Variants in CALN1 observed in about 807,000 individuals in gnomAD.
The protein encoded by CALN1 is calneuron 1.
Under a neutral mutation model 30.6 loss-of-function variants are expected in CALN1, and 17 were observed. That is an observed-to-expected ratio of 0.56 (90% CI 0.38 to 0.83). The LOEUF (loss-of-function observed/expected upper bound fraction) is 0.83, where lower values mean the gene tolerates loss of function less well. Ranked by LOEUF, CALN1 falls within the 40% of genes least tolerant of loss-of-function variation. CALN1 has a pLI of 0.00. For missense variants in CALN1, 291 were observed against 354.9 expected, an observed-to-expected ratio of 0.82 and a Z score of 1.45; for synonymous variants, 156 against 131.4, an observed-to-expected ratio of 1.19 and a Z score of -1.28.
chr7:72,167,810 AAGTAATTTGGCTGG>A (rs1563115560), intron 3 of CALN1, among the ~76,000 whole-genome samples: 1 of 152,218 alleles, frequency 6.6e-6, no homozygotes, highest in Non-Finnish European at 1.5e-5. Context: ...AGTTTGGCTG[AAGTAATTTGGCTGG>A]ATTTGTAACA....
At chr7:72,374,835 G>C (rs1804457535) in intron 2 of CALN1, among the ~76,000 whole-genome samples, 1 of 152,018 alleles carries the variant, frequency 6.6e-6, no homozygotes, top group South Asian at 2.1e-4. Context: ...CACATATTTT[G>C]CTCAAATGAA....
intron 5 of CALN1, among the ~76,000 whole-genome samples, chr7:71,891,577 A>C (rs2116884515): frequency 6.6e-6 from 1 of 152,352 alleles, no homozygotes; most frequent in Admixed American, 6.5e-5. Context: ...GAGGATAATG[A>C]CAGTGCCTAT....
At chr7:72,335,865 G>T (rs1562899647) in intron 2 of CALN1, among the ~76,000 whole-genome samples, 2 of 152,168 alleles carry the variant, frequency 1.3e-5, no homozygotes, top group African/African-American at 4.8e-5. Context: ...TCCCCCGCTC[G>T]CCCTCGCCCC....
intron 5 of CALN1, among the ~76,000 whole-genome samples, chr7:72,012,453 A>C (rs1800134384): frequency 6.6e-6 from 1 of 152,222 alleles, no homozygotes; most frequent in Non-Finnish European, 1.5e-5. Flanking sequence ...CGGAGGGTGC[A>C]GTGAGCCGAG....
intron 3 of CALN1, among the ~76,000 whole-genome samples, chr7:72,123,721 C>T (rs994374173): frequency 6.6e-6 from 1 of 152,154 alleles, no homozygotes; most frequent in Admixed American, 6.5e-5. Context: ...GTCCATTTGG[C>T]CTTCCTGATA....
At chr7:72,152,113 C>T (rs1464170777) in intron 3 of CALN1, among the ~76,000 whole-genome samples, 1 of 151,830 alleles carries the variant, frequency 6.6e-6, no homozygotes, top group Non-Finnish European at 1.5e-5. Flanking sequence ...ACCATGTTGG[C>T]CAGGCTGGTC....
At chr7:71,941,019 C>G (rs1357991982) in intron 5 of CALN1, among the ~76,000 whole-genome samples, 2 of 152,088 alleles carry the variant, frequency 1.3e-5, no homozygotes, top group African/African-American at 2.4e-5. Flanking sequence ...TTAATAAAAG[C>G]CCCCCAAAAT....
chr7:72,223,331 G>A lies in CALN1; in HGVS notation c.244+55355C>T, dbSNP rs1044543181. On this transcript the variant is annotated intron_variant, in intron 3 of 6. Coordinates refer to ENST00000395275, the MANE Select transcript of CALN1 (RefSeq NM_031468.4). ...ATGACTTCCAAGTCACTGGAGGAGG[G>A]AAAATACAAAGGAAACATCATTTCT... Among the ~76,000 whole-genome samples the A allele has an allele frequency of 3.3e-5, 5 of 152,108 alleles. 1 individual carries two copies. Among genetic ancestry groups the A allele is most frequent in the African/African-American group, 4.8e-5 (2 of 41,434 alleles).
At chr7:72,347,247 TC>T (rs919229881) in intron 2 of CALN1, among the ~76,000 whole-genome samples, 2 of 151,370 alleles carry the variant, frequency 1.3e-5, no homozygotes, top group African/African-American at 4.9e-5. Flanking sequence ...TTTTTTTTTT[TC>T]CTTTTTTCTT....
intron 5 of CALN1, among the ~76,000 whole-genome samples, chr7:71,846,864 ATG>A (rs1042451398): frequency 6.8e-6 from 1 of 146,750 alleles, no homozygotes; most frequent in African/African-American, 2.5e-5. Context: ...GTATATATGT[ATG>A]TATATATAAT....
At chr7:71,930,888 A>C (rs2129520381) in intron 5 of CALN1, among the ~76,000 whole-genome samples, 1 of 152,310 alleles carries the variant, frequency 6.6e-6, no homozygotes, top group South Asian at 2.1e-4. Context: ...CCCATGCCAA[A>C]GTCTTCTCTG....
intron 4 of CALN1, among the ~76,000 whole-genome samples, chr7:72,052,190 T>A (rs1563012815): frequency 6.6e-6 from 1 of 152,156 alleles, no homozygotes. Flanking sequence ...GACAAACATT[T>A]AAAAAATCAA....
intron 6 of CALN1, among the ~76,000 whole-genome samples, chr7:71,799,293 C>T (rs899325668): frequency 6.6e-6 from 1 of 152,054 alleles, no homozygotes; most frequent in Non-Finnish European, 1.5e-5. Flanking sequence ...CAATATTTAC[C>T]CAAGTGCCTC....
At chr7:72,093,479 C>T (rs1043086885) in intron 4 of CALN1, among the ~76,000 whole-genome samples, 1 of 152,140 alleles carries the variant, frequency 6.6e-6, no homozygotes, top group Non-Finnish European at 1.5e-5. Flanking sequence ...TCCTTGCCCA[C>T]TGAAAAGGGG....
chr7:71,889,604 G>C (rs966425791), intron 5 of CALN1, among the ~76,000 whole-genome samples: 4 of 152,046 alleles, frequency 2.6e-5, no homozygotes, highest in African/African-American at 4.8e-5. Context: ...CTATGAATAA[G>C]GGGGGACACG....
At chr7:72,503,737 A>T in the CALN1 span, among the ~76,000 whole-genome samples, 1 of 151,842 alleles carries the variant, frequency 6.6e-6, no homozygotes. Context: ...CCTCTCCAGC[A>T]CCTGGACTCA....
At chr7:72,160,832 C>T (rs985241763) in intron 3 of CALN1, among the ~76,000 whole-genome samples, 1 of 152,220 alleles carries the variant, frequency 6.6e-6, no homozygotes, top group Non-Finnish European at 1.5e-5. Flanking sequence ...GTTACCAGCA[C>T]CATGGCTGCT....
intron 5 of CALN1, among the ~76,000 whole-genome samples, chr7:71,925,071 T>C (rs1437497271): frequency 6.6e-6 from 1 of 152,136 alleles, no homozygotes; most frequent in Non-Finnish European, 1.5e-5. Flanking sequence ...TGAAACCCTG[T>C]CTCTACTAAA....
At chr7:72,148,170 C>T (rs1786919161) in intron 3 of CALN1, among the ~76,000 whole-genome samples, 2 of 145,380 alleles carry the variant, frequency 1.4e-5, no homozygotes, top group South Asian at 4.4e-4. Flanking sequence ...ATATGATCCA[C>T]AGTGTTAGAG....
Sources: gnomAD v4.1 joint callset for allele counts (sites outside exome capture counted in the v4.1 genomes callset) on GRCh38, gnomAD v4.1.1 for gene constraint, MANE v1.5 for transcripts, NCBI Gene and HGNC (gene_info 2026-07-23, HGNC 2026-07-21) for gene names.